ZDHHC21: variants seen among roughly 807,000 people sequenced by gnomAD.
ZDHHC21 encodes palmitoyltransferase ZDHHC21.
Under a neutral mutation model 34.6 loss-of-function variants are expected in ZDHHC21, and 15 were observed. The observed-to-expected ratio is 0.43, with a 90% confidence interval of 0.29 to 0.67. The LOEUF (loss-of-function observed/expected upper bound fraction) is 0.67, where lower values mean the gene tolerates loss of function less well. Ranked by LOEUF, ZDHHC21 falls within the 30% of genes least tolerant of loss-of-function variation. ZDHHC21 has a pLI of 0.14. For missense variants in ZDHHC21, 344 were observed against 327.7 expected (o/e 1.05, Z -0.38); for synonymous variants, 142 against 101.8 (o/e 1.40, Z -2.38).
At chr9:14,643,092 A>G (rs550135204) in intron 7 of ZDHHC21, among the ~76,000 whole-genome samples, 13 of 152,054 alleles carry the variant, frequency 8.5e-5, no homozygotes, top group African/African-American at 3.1e-4. Context: ...TAAAAATAAA[A>G]ATAAAATAGC....
intron 5 of ZDHHC21, 57 bp from the exon 6 acceptor site, chr9:14,662,383 T>G: frequency 7.7e-7 from 1 of 1,297,856 alleles, no homozygotes; most frequent in African/African-American, 1.5e-5. Context: ...TGCTGAAATT[T>G]ACCAACAGTT....
the ZDHHC21 span, among the ~76,000 whole-genome samples, chr9:14,600,961 A>G: frequency 3.6e-4 from 55 of 152,330 alleles, no homozygotes; most frequent in East Asian, 9.1e-3. Flanking sequence ...CAGAAAACTG[A>G]AACTGACCCC....
intron 2 of ZDHHC21, among the ~76,000 whole-genome samples, chr9:14,685,975 T>C (rs1478270790): frequency 1.3e-5 from 2 of 151,516 alleles, no homozygotes; most frequent in African/African-American, 4.9e-5. Flanking sequence ...AAACACCACA[T>C]GTTCTCACTC....
Position 14,688,989 on chromosome 9 carries a change from G to A in ZDHHC21, c.-176+1348C>T, listed in dbSNP as rs559052810. 1.5e-3 allele frequency among the ~76,000 whole-genome samples: 230 copies of A among 152,304 alleles called. 2 individuals are homozygous for A. Among genetic ancestry groups the A allele is most frequent in the African/African-American group, 4.6e-3 (192 of 41,558 alleles). On this transcript the variant is annotated intron_variant, in intron 2 of 9. Coordinates refer to ENST00000380916, the MANE Select transcript of ZDHHC21 (RefSeq NM_178566.6). Reference sequence around the variant, plus strand: ...AGCCAGGGAGATGGAGACCAAGGCTGCAGTGAGCTGTGACTGCACTGCACT... The same window carrying A: ...AGCCAGGGAGATGGAGACCAAGGCTACAGTGAGCTGTGACTGCACTGCACT...
intron 7 of ZDHHC21, among the ~76,000 whole-genome samples, chr9:14,642,948 G>C (rs931626743): frequency 1.3e-5 from 2 of 152,108 alleles, no homozygotes; most frequent in African/African-American, 4.8e-5. Context: ...TTAAAGAAAA[G>C]TAACACTGGG....
the ZDHHC21 span, among the ~76,000 whole-genome samples, chr9:14,593,359 T>A: frequency 1.3e-5 from 2 of 152,200 alleles, no homozygotes; most frequent in Non-Finnish European, 2.9e-5. Flanking sequence ...GGGACTATTA[T>A]GAACAACTTT....
chr9:14,617,725 A>G lies in ZDHHC21; in HGVS notation c.*1241T>C, dbSNP rs1824504370. The G allele has an allele frequency of 6.6e-6, 1 of 152,048 alleles. No homozygotes were observed. The highest frequency in any genetic ancestry group is 2.4e-5 in the African/African-American group (1 of 41,458). The allele number at this position is 152,048 out of a possible 1,614,324, so 9.4% of individuals were successfully genotyped here. ...CTATGCCTTGCAAAAGAACATCACT[A>G]TTAGTAATTTACATTTGTACAAGGC... On this transcript the variant is annotated 3_prime_UTR_variant, in exon 10 of 10. Transcript: ENST00000380916.
chr9:14,666,413 C>T (rs1293253106), intron 5 of ZDHHC21, among the ~76,000 whole-genome samples: 7 of 110,950 alleles, frequency 6.3e-5, no homozygotes, highest in African/African-American at 2.1e-4. Context: ...GACTTTAACA[C>T]CCCACTGTCA....
intron 8 of ZDHHC21, among the ~76,000 whole-genome samples, chr9:14,628,540 G>A (rs1257829265): frequency 6.6e-6 from 1 of 151,518 alleles, no homozygotes; most frequent in Non-Finnish European, 1.5e-5. Flanking sequence ...ATCCGTATCA[G>A]TAGTTTCCCA....
intron 2 of ZDHHC21, among the ~76,000 whole-genome samples, chr9:14,684,542 G>A (rs1346737498): frequency 2.6e-5 from 4 of 151,076 alleles, no homozygotes; most frequent in Admixed American, 2.6e-4. Context: ...ACTGCTCAAT[G>A]AAATAAAAGA....
the ZDHHC21 span, among the ~76,000 whole-genome samples, chr9:14,597,894 C>A: frequency 7.9e-5 from 12 of 152,056 alleles, no homozygotes; most frequent in Non-Finnish European, 1.2e-4. Flanking sequence ...GAGAATTAAC[C>A]CACTCTACCC....
At chr9:14,641,068 T>C (rs148095863) in intron 7 of ZDHHC21, among the ~76,000 whole-genome samples, 2 of 152,272 alleles carry the variant, frequency 1.3e-5, no homozygotes, top group Non-Finnish European at 2.9e-5. Context: ...CTTTCTTTTA[T>C]ACTGATTCAT....
chr9:14,671,067 A>G (rs551063917), intron 5 of ZDHHC21, among the ~76,000 whole-genome samples: 1 of 152,266 alleles, frequency 6.6e-6, no homozygotes, highest in Admixed American at 6.5e-5. Context: ...AAAAATTAAA[A>G]GCTAACAGAT....
the ZDHHC21 span, among the ~76,000 whole-genome samples, chr9:14,601,258 A>C: frequency 6.6e-6 from 1 of 152,226 alleles, no homozygotes; most frequent in Non-Finnish European, 1.5e-5. Context: ...CCATCTGACA[A>C]AGAGCTAATA....
chr9:14,682,144 A>G (rs1421353432), intron 2 of ZDHHC21, among the ~76,000 whole-genome samples: 1 of 152,202 alleles, frequency 6.6e-6, no homozygotes, highest in Admixed American at 6.5e-5. Flanking sequence ...AACAAGCAAA[A>G]TAACCAGCTA....
chr9:14,636,758 T>C (rs570262496), intron 8 of ZDHHC21, among the ~76,000 whole-genome samples: 14 of 152,220 alleles, frequency 9.2e-5, no homozygotes, highest in African/African-American at 3.4e-4. Context: ...GGAGGAACTT[T>C]GGAAACTATA....
chr9:14,594,111 G>C, the ZDHHC21 span: 1 of 152,272 alleles, frequency 6.6e-6, no homozygotes, highest in East Asian at 1.9e-4. Flanking sequence ...TGAAAATCTG[G>C]AGAATAAAAA....
chr9:14,653,845 G>T (rs964938667), intron 7 of ZDHHC21, among the ~76,000 whole-genome samples: 2 of 151,916 alleles, frequency 1.3e-5, no homozygotes, highest in South Asian at 4.1e-4. Flanking sequence ...GAAACAGTTC[G>T]TATGAGACCA....
chr9:14,640,275 T>A (rs1829089372), intron 7 of ZDHHC21, among the ~76,000 whole-genome samples: 1 of 146,574 alleles, frequency 6.8e-6, no homozygotes. Flanking sequence ...TAGGTGCAAG[T>A]TAGCCTTGTT....
Sources: gnomAD v4.1 joint callset for allele counts (sites outside exome capture counted in the v4.1 genomes callset) on GRCh38, gnomAD v4.1.1 for gene constraint, MANE v1.5 for transcripts, NCBI Gene and HGNC (gene_info 2026-07-23, HGNC 2026-07-21) for gene names.